The following MOCS2 variants were observed in gnomAD, a reference collection of about 807,000 sequenced individuals.
MOCS2 encodes molybdopterin synthase catalytic subunit.
MOCS2 carries 13 observed loss-of-function variants against 21.9 expected under a neutral mutation model. The ratio of observed to expected loss-of-function variants is 0.59; its 90% confidence interval spans 0.39 to 0.94. The LOEUF is 0.94. Ranked by LOEUF, MOCS2 falls within the 40% of genes least tolerant of loss-of-function variation. The pLI, the probability that MOCS2 is intolerant of heterozygous loss-of-function variation, is 0.00. For missense variants in MOCS2, 227 were observed against 218.3 expected, an observed-to-expected ratio of 1.04 and a Z score of -0.25; for synonymous variants, 92 against 80.8, an observed-to-expected ratio of 1.14 and a Z score of -0.74.
chr5:53,107,295 A>G (rs540498660), intron 2 of MOCS2, 74 bp from the exon 3 acceptor site: 1 of 1,312,746 alleles, frequency 7.6e-7, no homozygotes, highest in East Asian at 2.5e-5. Context: ...GCAATTAGAG[A>G]TATTACATAG....
Position 53,098,549 on chromosome 5 carries a change from C to G in MOCS2, c.*53G>C. On this transcript the variant is annotated 3_prime_UTR_variant, in exon 7 of 7. Transcript: ENST00000396954. ...GGAGAGAAAAAAATCAAAATGTGAT[C>G]AATAATAATAGTTTAACAAAGTTAA... is the stretch of plus-strand genomic sequence containing the variant. The G allele has an allele frequency of 6.7e-7, 1 of 1,483,846 alleles. No individual in the cohort carries two copies. Among genetic ancestry groups the G allele is most frequent in the South Asian group, 1.1e-5 (1 of 88,374 alleles). The allele number at this position is 1,483,846 out of a possible 1,614,324, so 91.9% of individuals were successfully genotyped here.
chr5:53,102,159 GA>G lies in MOCS2; in HGVS notation c.163del (p.Ser55GlnfsTer2). The G allele has an allele frequency of 2.5e-6, 4 of 1,613,196 alleles. No homozygotes were observed. In the South Asian group the frequency reaches 4.4e-5, roughly 18 times the overall value. On this transcript the variant is annotated frameshift_variant, in exon 4 of 7. Transcript: ENST00000396954. LOFTEE classifies it high-confidence loss of function. ...DVINFTAEKL[S>X]VDEVSQLVIS... ...CACCAACTGTGAGACTTCATCTACT[GA>G]AAGTTTCTCGGCAGTAAAGTTTATA...
intron 6 of MOCS2, 183 bp from the exon 7 acceptor site, chr5:53,098,850 A>C: frequency 1.6e-6 from 1 of 607,438 alleles, no homozygotes; most frequent in Non-Finnish European, 2.9e-6. Context: ...CTTTAGTTTT[A>C]AACATTTTTT....
Position 53,101,525 on chromosome 5 carries a change from A to AAAG in MOCS2, c.227-17_227-16insCTT, listed in dbSNP as rs1554027567. The AAAG allele has an allele frequency of 9.8e-6, 15 of 1,529,514 alleles. No homozygotes were observed. The highest frequency in any genetic ancestry group is 1.3e-5 in the Non-Finnish European group (14 of 1,111,748). 94.7% of individuals were successfully genotyped at this position (1,529,514 alleles called of 1,614,324 possible). On this transcript the variant is annotated splice_polypyrimidine_tract_variant and intron_variant, in intron 4 of 6. Transcript: ENST00000396954. The stretch of plus-strand genomic sequence containing the variant: ...CTTGTAGTCCCTTTAAAAATGAAAA[A>AAAG]AAAGAAAAAGAAAACAATTAAAATA...
intron 2 of MOCS2, 26 bp downstream of exon 2, chr5:53,108,494 CAT>C (rs760862886): frequency 1.9e-6 from 3 of 1,594,458 alleles, no homozygotes; most frequent in Non-Finnish European, 2.6e-6. Context: ...AAGTGTTACT[CAT>C]ATGCATTCTA....
intron 4 of MOCS2, 109 bp downstream of exon 4, chr5:53,101,988 G>T: frequency 8.6e-7 from 1 of 1,159,746 alleles, no homozygotes; most frequent in Non-Finnish European, 1.3e-6. Flanking sequence ...CGGTAATCTT[G>T]GTTTAAAGTT....
rs1740813197 is a variant in MOCS2, at chr5:53,098,476, T to C, written c.*126A>G. ...TTATCTTGCTTCCTTTTTCTCCCTT[T>C]TGTCCCACTAGTATAAGAGATTGTG... On this transcript the variant is annotated 3_prime_UTR_variant, in exon 7 of 7. Transcript: ENST00000396954. 1 of 812,810 alleles carries C rather than the reference T, an allele frequency of 1.2e-6. No homozygotes were observed. The highest frequency in any genetic ancestry group is 2.1e-6 in the Non-Finnish European group (1 of 471,272). 50.3% of individuals were successfully genotyped at this position (812,810 alleles called of 1,614,324 possible). A position where few individuals can be genotyped will look rare whatever the true frequency, so the allele number is the denominator to read the frequency against.
rs570883880 is a variant in MOCS2 at position 53,098,023 on chromosome 5, A to G, written c.*579T>C. On this transcript the variant is annotated 3_prime_UTR_variant, in exon 7 of 7. Transcript: ENST00000396954. ...TGAAATCCCAGAAATCTCCATAATG[A>G]GAACTATTTTAGGCAATTTAAAAAA... The G allele has an allele frequency of 6.6e-6, 1 of 152,334 alleles. No individual in the cohort carries two copies. Among genetic ancestry groups the G allele is most frequent in the Admixed American group, 6.5e-5 (1 of 15,302 alleles). 9.4% of individuals were successfully genotyped at this position (152,334 alleles called of 1,614,324 possible).
chr5:53,105,428 T>C (rs1741025480), intron 3 of MOCS2, among the ~76,000 whole-genome samples: 1 of 152,040 alleles, frequency 6.6e-6, no homozygotes, highest in Non-Finnish European at 1.5e-5. Flanking sequence ...GCTTCACACC[T>C]ACAACTATCT....
intron 4 of MOCS2, 79 bp downstream of exon 4, chr5:53,102,018 G>A (rs1038118003): frequency 4.1e-6 from 6 of 1,473,396 alleles, no homozygotes; most frequent in Admixed American, 3.5e-5. Flanking sequence ...AAACTCCTCC[G>A]TTAACACTGA....
Position 53,100,416 on chromosome 5 carries a change from TC to T in MOCS2, c.495del (p.Trp165Ter), listed in dbSNP as rs1561173108. The T allele has an allele frequency of 6.2e-7, 1 of 1,613,840 alleles. No individual in the cohort carries two copies. The highest frequency in any genetic ancestry group is 8.5e-7 in the Non-Finnish European group (1 of 1,179,772). ...IDTLKAKVPI[W>X]KKEIYEESST... is the part of the protein sequence containing the mutation. Reference sequence around the variant, plus strand: ...GTGTTATTTTCTTAACTTACCTTTTTCCATATGGGCACCTTGGCTTTTAAAG... The same window carrying T: ...GTGTTATTTTCTTAACTTACCTTTTTCATATGGGCACCTTGGCTTTTAAAG... On this transcript the variant is annotated frameshift_variant, in exon 6 of 7. Coordinates refer to ENST00000396954, the MANE Select transcript of MOCS2 (RefSeq NM_004531.5). LOFTEE classifies it high-confidence loss of function.
intron 3 of MOCS2, among the ~76,000 whole-genome samples, chr5:53,103,820 C>A (rs1396268065): frequency 6.6e-6 from 1 of 152,116 alleles, no homozygotes; most frequent in East Asian, 1.9e-4. Context: ...AAAGTTGCGA[C>A]CTGAAAGATA....
chr5:53,101,452 T>C lies in MOCS2; in HGVS notation c.284A>G (p.Tyr95Cys), dbSNP rs754241121. 2 of 1,612,742 alleles carry C rather than the reference T, an allele frequency of 1.2e-6. No homozygotes were observed. The highest frequency in any genetic ancestry group is 2.2e-5 in the South Asian group (2 of 91,064). Residue 95 changes from tyrosine to cysteine, a missense_variant, in exon 5 of 7, where the codon TAT becomes TGT. Transcript: ENST00000396954. ...KKVISLEYEA[Y>C]LPMAENEVRK... is the part of the protein sequence containing the mutation. ...GACTTCATTTTCCGCCATGGGTAGA[T>C]ATGCTTCATATTCTAAGCTAATGAC...
intron 4 of MOCS2, among the ~76,000 whole-genome samples, chr5:53,101,849 A>T (rs1208777545): frequency 6.6e-6 from 1 of 152,220 alleles, no homozygotes; most frequent in East Asian, 1.9e-4. Flanking sequence ...CAATTTTGGA[A>T]AATCTAGAAT....
intron 6 of MOCS2, 94 bp from the exon 7 acceptor site, chr5:53,098,761 A>T: frequency 1.2e-6 from 1 of 867,190 alleles, no homozygotes; most frequent in South Asian, 1.4e-5. Context: ...TGAATATCAC[A>T]TCTATTTCAA....
rs1741138784 is a variant in MOCS2 at position 53,109,338 on chromosome 5, T to A, written c.-257A>T. 9.2e-7 allele frequency: 1 copy of A among 1,087,696 alleles called. No individual in the cohort carries two copies. The highest frequency in any genetic ancestry group is 4.1e-4 in the Middle Eastern group (1 of 2,464). 67.4% of individuals were successfully genotyped at this position (1,087,696 alleles called of 1,614,324 possible). Reference sequence around the variant, plus strand: ...TAGAAATCCACAGATGAAGCACAGTTCTTCACAAGAATTCTCCATGAGGTG... The same window carrying A: ...TAGAAATCCACAGATGAAGCACAGTACTTCACAAGAATTCTCCATGAGGTG... On this transcript the variant is annotated 5_prime_UTR_variant, in exon 1 of 7. Transcript: ENST00000396954.
Position 53,099,251 on chromosome 5 carries a change from C to T in MOCS2, c.502-584G>A, listed in dbSNP as rs1391758339. Among the ~76,000 whole-genome samples the T allele has an allele frequency of 5.3e-5, 8 of 152,160 alleles. No homozygotes were observed. The East Asian group carries it at 1.2e-3, about 22-fold the overall frequency. On this transcript the variant is annotated intron_variant, in intron 6 of 6. Coordinates refer to ENST00000396954, the MANE Select transcript of MOCS2 (RefSeq NM_004531.5). ...TCTATGGACAAACAAAAGCAAAATA[C>T]GAAGCCCAACTAGTCCTCAAAGCAT... is the stretch of plus-strand genomic sequence containing the variant.
intron 6 of MOCS2, 23 bp from the exon 7 acceptor site, chr5:53,098,690 G>T: frequency 6.5e-7 from 1 of 1,550,292 alleles, no homozygotes; most frequent in Non-Finnish European, 8.9e-7. Flanking sequence ...ATCATAACAG[G>T]TATTAAAAAT....
chr5:53,109,428 A>T lies in MOCS2; in HGVS notation c.-347T>A, dbSNP rs932275322. The T allele has an allele frequency of 9.6e-6, 12 of 1,252,044 alleles. No homozygotes were observed. In the African/African-American group the frequency reaches 1.9e-4, roughly 19 times the overall value. The allele number at this position is 1,252,044 out of a possible 1,614,324, so 77.6% of individuals were successfully genotyped here. On this transcript the variant is annotated 5_prime_UTR_variant, in exon 1 of 7. Transcript: ENST00000396954. ...AATAATCTGGGAAAGAGGTGGTCAT[A>T]AAAGGTGGAGGCGCCTTCAGAACGA...
Sources: gnomAD v4.1 joint callset for allele counts (sites outside exome capture counted in the v4.1 genomes callset) on GRCh38, gnomAD v4.1.1 for gene constraint, MANE v1.5 for transcripts, NCBI Gene and HGNC (gene_info 2026-07-23, HGNC 2026-07-21) for gene names.